FAM83A: variants seen among roughly 807,000 people sequenced by gnomAD.
The protein encoded by FAM83A is protein FAM83A.
FAM83A carries 21 observed loss-of-function variants against 24.4 expected under a neutral mutation model. The ratio of observed to expected loss-of-function variants is 0.86; its 90% CI spans 0.61 to 1.24. FAM83A has a LOEUF of 1.24. Among genes scored for constraint, FAM83A ranks in the 50% most tolerant of loss-of-function variants. The probability of loss-of-function intolerance (pLI) is 0.00; values close to 1 mark genes in which losing one functional copy is unlikely to be tolerated. For synonymous variants in FAM83A, 270 were observed against 252.4 expected (o/e 1.07, Z -0.66); for missense variants, 617 against 579.8 (o/e 1.06, Z -0.66).
chr8:123,188,909 T>G (rs1175724837), intron 1 of FAM83A, among the ~76,000 whole-genome samples: 2 of 152,196 alleles, frequency 1.3e-5, no homozygotes, highest in Non-Finnish European at 2.9e-5. Flanking sequence ...TGAGCCTGTA[T>G]TTCCAAGCAT....
At chr8:123,189,607 T>A (rs1451318955) in intron 1 of FAM83A, among the ~76,000 whole-genome samples, 2 of 152,236 alleles carry the variant, frequency 1.3e-5, no homozygotes, top group East Asian at 3.8e-4. Context: ...GCATATCTGA[T>A]GCCTCCTTTG....
intron 3 of FAM83A, 112 bp downstream of exon 3, chr8:123,194,260 T>G: frequency 5.5e-6 from 8 of 1,460,388 alleles, no homozygotes; most frequent in Non-Finnish European, 5.6e-6. Context: ...TCCCAGAAGG[T>G]CTCCCTCTGC....
At chr8:123,184,642 T>C (rs1476657163) in intron 1 of FAM83A, among the ~76,000 whole-genome samples, 4 of 152,026 alleles carry the variant, frequency 2.6e-5, no homozygotes, top group Admixed American at 6.5e-5. Context: ...TGAAGGGACT[T>C]GAGCTCAGGG....
At chr8:123,191,679 C>A in intron 1 of FAM83A, 124 bp from the exon 2 acceptor site, 1 of 991,768 alleles carries the variant, frequency 1.0e-6, no homozygotes, top group Non-Finnish European at 1.5e-6. Context: ...TCTACCCCAT[C>A]CTCTCCCCTC....
chr8:123,194,821 A>G (rs949582193), intron 3 of FAM83A, among the ~76,000 whole-genome samples: 2 of 151,804 alleles, frequency 1.3e-5, no homozygotes, highest in Non-Finnish European at 2.9e-5. Flanking sequence ...TGCTCAAGCA[A>G]CCCACCAGCC....
At chr8:123,190,663 C>T (rs138618040) in intron 1 of FAM83A, among the ~76,000 whole-genome samples, 129 of 152,078 alleles carry the variant, frequency 8.5e-4, no homozygotes, top group African/African-American at 2.6e-3. Flanking sequence ...GAGAGTAAAC[C>T]CAAACAAGCT....
exon 4 of FAM83A, chr8:123,207,813 A>G: frequency 7.1e-7 from 1 of 1,402,346 alleles, no homozygotes; most frequent in Non-Finnish European, 9.2e-7. Context: ...AATCACTGCC[A>G]TGGTTCAATG....
chr8:123,207,311 C>A (rs980364501), exon 4 of FAM83A: 1 of 1,611,430 alleles, frequency 6.2e-7, no homozygotes, highest in African/African-American at 1.3e-5. Context: ...CCCCGTCCCG[C>A]CCGGAGCAGC....
chr8:123,197,090 G>A (rs1436583899), intron 3 of FAM83A, among the ~76,000 whole-genome samples: 1 of 140,096 alleles, frequency 7.1e-6, no homozygotes, highest in Non-Finnish European at 1.5e-5. Flanking sequence ...GTCCACCCCT[G>A]AGCCAGTTAC....
At position 123,209,696 on chromosome 8, in the gene FAM83A, G is replaced by C; in HGVS notation, c.*2008G>C. 1.2e-6 allele frequency: 1 copy of C among 833,544 alleles called. No individual in the cohort carries two copies. The highest frequency in any genetic ancestry group is 1.9e-6 in the Non-Finnish European group (1 of 529,898). The allele number at this position is 833,544 out of a possible 1,614,324, so 51.6% of individuals were successfully genotyped here. On this transcript the variant is annotated 3_prime_UTR_variant, in exon 4 of 4. Transcript: ENST00000690554. The surrounding 1 kb of genome is among the most constrained non-coding windows in gnomAD (Gnocchi z 4.7). ...GCCTGTGTCGAGCTCAGTCCTGGGAGATAGGGGAGAACCTGCAGGCAGGAA... is the reference window on the plus strand; with the variant it reads ...GCCTGTGTCGAGCTCAGTCCTGGGACATAGGGGAGAACCTGCAGGCAGGAA...
upstream of FAM83A, chr8:123,182,376 A>G (rs1221879065): frequency 2.0e-5 from 7 of 357,612 alleles, no homozygotes; most frequent in Admixed American, 7.3e-5. Context: ...TTGAAACAGC[A>G]TGGGAATCGA....
chr8:123,185,304 C>T (rs1823755470), intron 1 of FAM83A, among the ~76,000 whole-genome samples: 1 of 152,166 alleles, frequency 6.6e-6, no homozygotes, highest in Non-Finnish European at 1.5e-5. Flanking sequence ...TCAGTGCTCT[C>T]CCGAGGGGTG....
At chr8:123,194,754 A>G (rs979409396) in intron 3 of FAM83A, among the ~76,000 whole-genome samples, 2 of 152,188 alleles carry the variant, frequency 1.3e-5, no homozygotes, top group Non-Finnish European at 2.9e-5. Flanking sequence ...AAGTGCTGAG[A>G]TTAGAGGCGT....
intron 1 of FAM83A, among the ~76,000 whole-genome samples, chr8:123,185,487 C>T (rs1471772307): frequency 6.6e-6 from 1 of 152,216 alleles, no homozygotes; most frequent in Non-Finnish European, 1.5e-5. Flanking sequence ...ACCCTGACAC[C>T]GCTGATGTCC....
At chr8:123,183,140 T>C in exon 1 of FAM83A, 1 of 1,613,804 alleles carries the variant, frequency 6.2e-7, no homozygotes, top group Non-Finnish European at 8.5e-7. Context: ...CCTAAGGGAC[T>C]GGACTCCAGC....
intron 3 of FAM83A, among the ~76,000 whole-genome samples, chr8:123,206,926 T>TCTTCCTCCTCTTCTTCCTCCTCCC: frequency 6.7e-6 from 1 of 150,120 alleles, no homozygotes; most frequent in East Asian, 2.0e-4. Context: ...CTCCTCCTCC[T>TCTTCCTCCTCTTCTTCCTCCTCCC]CTTCCTCCTC....
chr8:123,204,914 C>T (rs2131105125), intron 3 of FAM83A, among the ~76,000 whole-genome samples: 1 of 152,198 alleles, frequency 6.6e-6, no homozygotes, highest in South Asian at 2.1e-4. Flanking sequence ...GAGTTCAAGA[C>T]CAGGCTGGCC....
At position 123,182,896 on chromosome 8, in the gene FAM83A, CT is replaced by C; in HGVS notation, c.41del (p.Leu14ArgfsTer116). ...GCACCTGGGCAAAATCCGGAAGCGT[CT>C]GGAAGATGTCAAGAGCCAGTGGGTC... On this transcript the variant is annotated frameshift_variant, in exon 1 of 4. Coordinates refer to ENST00000690554, the Ensembl canonical transcript of FAM83A. LOFTEE classifies it high-confidence loss of function. 1 of 1,532,600 alleles carries C rather than the reference CT, an allele frequency of 6.5e-7. No individual in the cohort carries two copies. The highest frequency in any genetic ancestry group is 8.8e-7 in the Non-Finnish European group (1 of 1,140,844). The allele number at this position is 1,532,600 out of a possible 1,614,324, so 94.9% of individuals were successfully genotyped here. A position where few individuals can be genotyped will look rare whatever the true frequency, so the allele number is the denominator to read the frequency against.
chr8:123,191,208 C>G (rs1270389924), intron 1 of FAM83A, among the ~76,000 whole-genome samples: 1 of 152,194 alleles, frequency 6.6e-6, no homozygotes, highest in Non-Finnish European at 1.5e-5. Flanking sequence ...CTCCTGCTCA[C>G]TGAAGGTCTA....
Sources: gnomAD v4.1 joint callset for allele counts (sites outside exome capture counted in the v4.1 genomes callset) on GRCh38, gnomAD v4.1.1 for gene constraint, Gnocchi (gnomAD v3.1) non-coding constraint, MANE v1.5 for transcripts, NCBI Gene and HGNC (gene_info 2026-07-23, HGNC 2026-07-21) for gene names.